ADK: variants seen among roughly 807,000 people sequenced by gnomAD.
The protein encoded by ADK is adenosine kinase, also known as N6,N6-dimethyladenosine kinase.
In ADK, 24 loss-of-function variants were observed where a neutral mutation model predicts 44.7. That is an observed-to-expected ratio of 0.54 (90% CI 0.39 to 0.76). ADK has a LOEUF of 0.76. Ranked by LOEUF, ADK falls within the 30% of genes least tolerant of loss-of-function variation. The pLI is 0.00. For synonymous variants in ADK, 128 were observed against 142.6 expected, an observed-to-expected ratio of 0.90 and a Z score of 0.73; for missense variants, 321 against 425.1, an observed-to-expected ratio of 0.76 and a Z score of 2.15.
At chr10:74,309,484 A>G (rs1325592743) in intron 3 of ADK, among the ~76,000 whole-genome samples, 4 of 152,190 alleles carry the variant, frequency 2.6e-5, no homozygotes. Flanking sequence ...AACAGATACA[A>G]TTAAAGTCAC....
intron 3 of ADK, among the ~76,000 whole-genome samples, chr10:74,261,107 A>G (rs1005991864): frequency 2.0e-5 from 3 of 152,206 alleles, no homozygotes; most frequent in Admixed American, 1.3e-4. Flanking sequence ...TAAGCAGTCT[A>G]TAATCGTTAT....
chr10:74,176,503 G>C lies in ADK; in HGVS notation c.66-24261G>C, dbSNP rs531544789. The C allele has an allele frequency of 2.0e-4, 238 of 1,183,292 alleles. No individual in the cohort carries two copies. The African/African-American group carries it at 3.5e-3, about 17-fold the overall frequency. 73.3% of individuals were successfully genotyped at this position (1,183,292 alleles called of 1,614,324 possible). ...TGCCAGAGGCGCGGCCATTTTTGGG[G>C]CGGGCACCCAATCTCTCGCCCTGTA... On this transcript the variant is annotated intron_variant, in intron 1 of 10. Coordinates refer to ENST00000539909, the MANE Select transcript of ADK (RefSeq NM_006721.4).
chr10:74,331,204 TG>T (rs1178252897), intron 4 of ADK, among the ~76,000 whole-genome samples: 1 of 152,214 alleles, frequency 6.6e-6, no homozygotes, highest in East Asian at 1.9e-4. Context: ...TTCTTACAGA[TG>T]GAAGGAAATG....
rs1304239062 is a variant in ADK at position 74,541,788 on chromosome 10, C to CCA, written c.726+16368_726+16369dup. 3.4e-3 allele frequency among the ~76,000 whole-genome samples: 210 copies of CCA among 61,210 alleles called. 6 individuals are homozygous for CCA. The highest frequency in any genetic ancestry group is 0.018 in the Middle Eastern group (2 of 114). 40.2% of individuals were successfully genotyped at this position (61,210 alleles called of 152,430 possible). On this transcript the variant is annotated intron_variant, in intron 7 of 10. Coordinates refer to ENST00000539909, the MANE Select transcript of ADK (RefSeq NM_006721.4). The stretch of plus-strand genomic sequence containing the variant: ...AGCCTGGGTTACAGAACGAGAACCC[C>CCA]CACACACCCCCCCCCCCTAAAAAAA...
intron 6 of ADK, among the ~76,000 whole-genome samples, chr10:74,447,155 C>T (rs542742342): frequency 4.9e-4 from 74 of 152,152 alleles, no homozygotes; most frequent in South Asian, 2.7e-3. Flanking sequence ...TTTGTATGCA[C>T]GTGAGAAGCC....
intron 10 of ADK, among the ~76,000 whole-genome samples, chr10:74,701,649 T>C (rs1347822189): frequency 6.6e-6 from 1 of 152,162 alleles, no homozygotes; most frequent in Non-Finnish European, 1.5e-5. Flanking sequence ...ACCATTGATT[T>C]AAAAAGAATT....
chr10:74,374,100 A>G (rs1337098815), intron 4 of ADK, among the ~76,000 whole-genome samples: 1 of 152,158 alleles, frequency 6.6e-6, no homozygotes, highest in Non-Finnish European at 1.5e-5. Context: ...GAGACAGAAA[A>G]TAAATTAGTG....
intron 7 of ADK, among the ~76,000 whole-genome samples, chr10:74,577,559 C>G (rs1851237716): frequency 1.3e-5 from 2 of 151,148 alleles, no homozygotes; most frequent in Middle Eastern, 3.4e-3. Context: ...AAAATTCTGA[C>G]CTGGGGGATA....
intron 7 of ADK, among the ~76,000 whole-genome samples, chr10:74,538,735 T>C (rs1046427747): frequency 6.6e-6 from 1 of 152,220 alleles, no homozygotes; most frequent in Non-Finnish European, 1.5e-5. Flanking sequence ...TCTTCTGTTA[T>C]ATATTTTACT....
chr10:74,476,610 G>T (rs1319026653), intron 6 of ADK, among the ~76,000 whole-genome samples: 2 of 151,976 alleles, frequency 1.3e-5, no homozygotes, highest in African/African-American at 4.8e-5. Context: ...AATACTGTTG[G>T]CTACAGTTAT....
At chr10:74,702,434 G>A (rs922282833) in intron 10 of ADK, among the ~76,000 whole-genome samples, 1 of 151,326 alleles carries the variant, frequency 6.6e-6, no homozygotes, top group African/African-American at 2.4e-5. Flanking sequence ...CGCCCCCCTC[G>A]GCCTCCCAAA....
intron 3 of ADK, among the ~76,000 whole-genome samples, chr10:74,246,606 C>T (rs938891817): frequency 2.0e-5 from 3 of 152,222 alleles, no homozygotes; most frequent in African/African-American, 7.2e-5. Context: ...TTGAATACTT[C>T]ATTATCATGT....
At chr10:74,447,350 G>A (rs1055432594) in intron 6 of ADK, among the ~76,000 whole-genome samples, 1 of 152,118 alleles carries the variant, frequency 6.6e-6, no homozygotes, top group Non-Finnish European at 1.5e-5. Flanking sequence ...GGGTTGTTTA[G>A]TAAGGTTTAT....
At chr10:74,564,917 C>T (rs904609275) in intron 7 of ADK, among the ~76,000 whole-genome samples, 2 of 152,034 alleles carry the variant, frequency 1.3e-5, no homozygotes, top group African/African-American at 4.8e-5. Flanking sequence ...TGTTAAACCA[C>T]ATAATCCCTT....
At chr10:74,399,217 G>A (rs1463738299) in intron 6 of ADK, among the ~76,000 whole-genome samples, 3 of 150,740 alleles carry the variant, frequency 2.0e-5, no homozygotes, top group Non-Finnish European at 4.4e-5. Context: ...TTTAATATGT[G>A]TTAAATGTGG....
intron 4 of ADK, among the ~76,000 whole-genome samples, chr10:74,325,177 C>T (rs1253735700): frequency 6.6e-6 from 1 of 152,056 alleles, no homozygotes; most frequent in African/African-American, 2.4e-5. Context: ...GCGTTTTATA[C>T]TTTTCATCTT....
chr10:74,343,733 T>A (rs919815762), intron 4 of ADK, among the ~76,000 whole-genome samples: 2 of 152,146 alleles, frequency 1.3e-5, no homozygotes, highest in African/African-American at 4.8e-5. Flanking sequence ...CTCAGCCTCC[T>A]GAGTAGCTGG....
intron 6 of ADK, among the ~76,000 whole-genome samples, chr10:74,490,271 A>G (rs553843644): frequency 6.6e-5 from 10 of 152,226 alleles, no homozygotes; most frequent in African/African-American, 2.4e-4. Context: ...ATTTTTATCA[A>G]TGTCTTTTTG....
intron 4 of ADK, among the ~76,000 whole-genome samples, chr10:74,328,741 G>A (rs1841107097): frequency 6.6e-6 from 1 of 152,252 alleles, no homozygotes; most frequent in African/African-American, 2.4e-5. Context: ...CAGCGTGATT[G>A]TAAGTTTTCC....
Sources: gnomAD v4.1 joint callset for allele counts (sites outside exome capture counted in the v4.1 genomes callset) on GRCh38, gnomAD v4.1.1 for gene constraint, MANE v1.5 for transcripts, NCBI Gene and HGNC (gene_info 2026-07-23, HGNC 2026-07-21) for gene names.